GALM: variants seen among roughly 807,000 people sequenced by gnomAD.
The protein encoded by GALM is aldose 1-epimerase.
GALM carries 43 observed loss-of-function variants against 37.4 expected under a neutral mutation model. The ratio of observed to expected loss-of-function variants is 1.15; its 90% confidence interval spans 0.90 to 1.48. GALM has a LOEUF of 1.48. Among genes scored for constraint, GALM ranks in the 40% most tolerant of loss-of-function variants. The pLI is 0.00. For missense variants in GALM, 456 were observed against 419.1 expected, an observed-to-expected ratio of 1.09 and a Z score of -0.77; for synonymous variants, 199 against 170.6, an observed-to-expected ratio of 1.17 and a Z score of -1.30.
At chr2:38,713,466 G>T (rs1250724127) in intron 4 of GALM, among the ~76,000 whole-genome samples, 2 of 152,256 alleles carry the variant, frequency 1.3e-5, no homozygotes, top group African/African-American at 4.8e-5. Context: ...GAAAACTGAT[G>T]GGGCAGGCAG....
Position 38,734,381 on chromosome 2 carries a change from C to G in GALM, c.*816C>G, listed in dbSNP as rs1201541333. On this transcript the variant is annotated 3_prime_UTR_variant, in exon 7 of 7. Transcript: ENST00000272252. ...ACTGGGCAACAGAGCAAAACTCGAT[C>G]TCAAAAAAAAAAAAAAAAAAAAGGA... is the stretch of plus-strand genomic sequence containing the variant. 34 of 50,690 alleles carry G rather than the reference C, an allele frequency of 6.7e-4. 1 individual carries two copies. The highest frequency in any genetic ancestry group is 2.7e-3 in the African/African-American group (29 of 10,904). The allele number at this position is 50,690 out of a possible 1,614,324, so 3.1% of individuals were successfully genotyped here. A position where few individuals can be genotyped will look rare whatever the true frequency, so the allele number is the denominator to read the frequency against.
intron 4 of GALM, among the ~76,000 whole-genome samples, chr2:38,717,840 A>T (rs1474865935): frequency 6.7e-6 from 1 of 149,598 alleles, no homozygotes; most frequent in Non-Finnish European, 1.5e-5. Context: ...ATATAAAACC[A>T]TTTTCTTTTT....
chr2:38,731,983 C>T (rs778925314), intron 6 of GALM, 74 bp downstream of exon 6: 8 of 1,188,390 alleles, frequency 6.7e-6, no homozygotes, highest in African/African-American at 3.1e-5. Context: ...TCACTACACT[C>T]GAATCAGCTT....
chr2:38,686,245 T>TTTCTTTCTTTCTTTCTTTCTTTC (rs1665521004), intron 3 of GALM, among the ~76,000 whole-genome samples: 4 of 100,690 alleles, frequency 4.0e-5, no homozygotes, highest in African/African-American at 2.1e-4. Context: ...TCTTTCTTTC[T>TTTCTTTCTTTCTTTCTTTCTTTC]TTCTTTCTTT....
At chr2:38,724,777 A>G (rs935603041) in intron 4 of GALM, among the ~76,000 whole-genome samples, 1 of 152,148 alleles carries the variant, frequency 6.6e-6, no homozygotes, top group Non-Finnish European at 1.5e-5. Context: ...GCCCTGTTAT[A>G]TATATTTATT....
intron 5 of GALM, among the ~76,000 whole-genome samples, chr2:38,730,591 A>G (rs1666587701): frequency 6.6e-6 from 1 of 152,136 alleles, no homozygotes; most frequent in African/African-American, 2.4e-5. Context: ...AGCAGAAAAA[A>G]TGACTCAAAC....
At chr2:38,681,226 G>A (rs1665385834) in intron 2 of GALM, 54 bp from the exon 3 acceptor site, 4 of 1,268,664 alleles carry the variant, frequency 3.2e-6, no homozygotes, top group African/African-American at 1.5e-5. Flanking sequence ...TTGAAATATG[G>A]CATTTAGCTT....
chr2:38,732,211 C>T (rs1044484993), intron 6 of GALM, among the ~76,000 whole-genome samples: 4 of 152,166 alleles, frequency 2.6e-5, no homozygotes, highest in African/African-American at 4.8e-5. Flanking sequence ...CGCCTACCAC[C>T]ATGCCTGCTT....
chr2:38,692,654 C>G (rs777672291), intron 4 of GALM, among the ~76,000 whole-genome samples: 2 of 152,142 alleles, frequency 1.3e-5, no homozygotes, highest in Non-Finnish European at 2.9e-5. Flanking sequence ...GCTGGGCTCT[C>G]TAGGAGTTGG....
chr2:38,702,199 T>G (rs1285424831), intron 4 of GALM, among the ~76,000 whole-genome samples: 1 of 151,194 alleles, frequency 6.6e-6, no homozygotes, highest in Non-Finnish European at 1.5e-5. Context: ...AAAAAAAAAA[T>G]CTTAAGATCT....
chr2:38,680,342 T>C (rs985925211), intron 2 of GALM, among the ~76,000 whole-genome samples: 1 of 152,130 alleles, frequency 6.6e-6, no homozygotes, highest in Non-Finnish European at 1.5e-5. Context: ...ACTTTAAAAA[T>C]AAACTCTTCT....
At chr2:38,698,159 G>C (rs1665848537) in intron 4 of GALM, among the ~76,000 whole-genome samples, 1 of 151,996 alleles carries the variant, frequency 6.6e-6, no homozygotes, top group South Asian at 2.1e-4. Context: ...GCCCAGGCTG[G>C]TCTCAAACTC....
chr2:38,698,220 A>G (rs1429892115), intron 4 of GALM: 2 of 339,498 alleles, frequency 5.9e-6, no homozygotes, highest in Non-Finnish European at 5.9e-6. Flanking sequence ...CTGGGATTAT[A>G]TATATATTTT....
chr2:38,728,375 C>T (rs1239187171), intron 4 of GALM, among the ~76,000 whole-genome samples: 3 of 147,830 alleles, frequency 2.0e-5, no homozygotes, highest in Non-Finnish European at 4.4e-5. Context: ...GCCTGGGCGA[C>T]GAGCAAAACT....
intron 2 of GALM, among the ~76,000 whole-genome samples, chr2:38,679,291 G>A (rs939643254): frequency 2.0e-5 from 3 of 152,120 alleles, no homozygotes; most frequent in Non-Finnish European, 4.4e-5. Context: ...CCGGCCACAT[G>A]TGTGACTTTA....
intron 4 of GALM, among the ~76,000 whole-genome samples, chr2:38,692,671 A>G (rs569306351): frequency 6.6e-6 from 1 of 152,180 alleles, no homozygotes; most frequent in African/African-American, 2.4e-5. Context: ...TTGGCAGTCT[A>G]TGGGAAGGGT....
In GALM at chr2:38,733,476, T is replaced by C. The variant is rs191717863; in HGVS notation, c.952-12T>C. The C allele has an allele frequency of 6.8e-4, 1,089 of 1,611,982 alleles. 6 individuals carry two copies. The highest frequency in any genetic ancestry group is 5.9e-3 in the South Asian group (535 of 91,030). On this transcript the variant is annotated splice_polypyrimidine_tract_variant and intron_variant, in intron 6 of 6. Transcript: ENST00000272252. ...GGTGTCAAGCATCACCTGTGTTGTT[T>C]CCCCTTCACAGCCCCGCTTCCCTCC...
Position 38,718,667 on chromosome 2 carries a change from G to GTC in GALM, c.635-10888_635-10887insCT, listed in dbSNP as rs140942398. Among the ~76,000 whole-genome samples the GTC allele has an allele frequency of 5.2e-3, 787 of 151,900 alleles. 17 individuals carry two copies. Among genetic ancestry groups the GTC allele is most frequent in the African/African-American group, 0.018 (749 of 41,426 alleles). On this transcript the variant is annotated intron_variant, in intron 4 of 6. Transcript: ENST00000272252. ...ACAGGATGGACCTGTGCTGAGGAGTGTAGCAGGACTGTGGTTTTATTCCTG... is the reference window on the plus strand; with the variant it reads ...ACAGGATGGACCTGTGCTGAGGAGTGTCTAGCAGGACTGTGGTTTTATTCCTG...
chr2:38,693,061 G>T (rs1665715859), intron 4 of GALM, among the ~76,000 whole-genome samples: 1 of 152,160 alleles, frequency 6.6e-6, no homozygotes, highest in South Asian at 2.1e-4. Flanking sequence ...CCCCAGGCTG[G>T]CCTGGAGCTC....
Sources: allele counts gnomAD v4.1 joint callset (sites outside exome capture counted in the v4.1 genomes callset), GRCh38; gene constraint gnomAD v4.1.1; transcripts MANE v1.5; gene names NCBI Gene and HGNC (gene_info 2026-07-23, HGNC 2026-07-21).